Variants in SKAP1 observed in about 807,000 individuals in gnomAD.
SKAP1 encodes src kinase associated phosphoprotein 1.
A neutral mutation model predicts 58.5 loss-of-function variants in SKAP1; 44 were observed. The observed-to-expected ratio is 0.75, with a 90% CI of 0.59 to 0.97. SKAP1 has a LOEUF of 0.97. SKAP1 is among the 50% of genes least tolerant of loss of function. The pLI, the probability that SKAP1 is intolerant of heterozygous loss-of-function variation, is 0.00. For synonymous variants in SKAP1, 127 were observed against 149.7 expected (o/e 0.85, Z 1.11); for missense variants, 390 against 435.2 (o/e 0.90, Z 0.92).
At chr17:48,360,455 T>G (rs922805783) in intron 3 of SKAP1, among the ~76,000 whole-genome samples, 14 of 152,166 alleles carry the variant, frequency 9.2e-5, no homozygotes, top group Admixed American at 3.9e-4. Flanking sequence ...CTTATCGATA[T>G]CACCTTTTAG....
rs11314601 is a variant in SKAP1, at chr17:48,385,322, T to TA, written c.152+11357dup. On this transcript the variant is annotated intron_variant, in intron 2 of 12. Transcript: ENST00000336915. ...TTTCAAGAAGTTTGCCTGCACAAAA[T>TA]AAAAAAAAAAAATAGATGCAAAGAC... Among the ~76,000 whole-genome samples the TA allele has an allele frequency of 5.4e-4, 80 of 148,742 alleles. No individual in the cohort carries two copies. In the East Asian group the frequency reaches 7.7e-3, roughly 14 times the overall value.
intron 4 of SKAP1, chr17:48,193,920 G>T: frequency 5.9e-6 from 1 of 168,290 alleles, no homozygotes. Flanking sequence ...TTATATTTAA[G>T]TATACAATTA....
At chr17:48,213,859 G>GT (rs1290583045) in intron 4 of SKAP1, among the ~76,000 whole-genome samples, 1 of 152,164 alleles carries the variant, frequency 6.6e-6, no homozygotes, top group African/African-American at 2.4e-5. Flanking sequence ...GAACAAATGT[G>GT]TTTTTTATCC....
Position 48,375,194 on chromosome 17 carries a change from A to G in SKAP1, c.153-11380T>C, listed in dbSNP as rs142122067. Among the ~76,000 whole-genome samples the G allele has an allele frequency of 5.1e-4, 77 of 152,288 alleles. 2 individuals are homozygous for G. Among genetic ancestry groups the G allele is most frequent in the Admixed American group, 1.4e-3 (21 of 15,302 alleles). On this transcript the variant is annotated intron_variant, in intron 2 of 12. Transcript: ENST00000336915. ...GTAATATTTCTGTGGTCTTGAGTCT[A>G]TATTTACAAGCCCATCTAGGTAGAT...
chr17:48,331,353 C>A (rs1351367441), intron 4 of SKAP1, among the ~76,000 whole-genome samples: 1 of 152,138 alleles, frequency 6.6e-6, no homozygotes, highest in South Asian at 2.1e-4. Context: ...AAACATACAT[C>A]TCTTTTAACC....
upstream of SKAP1, among the ~76,000 whole-genome samples, chr17:48,432,704 CCATATGT>C (rs1451004590): frequency 6.6e-6 from 1 of 152,150 alleles, no homozygotes; most frequent in Non-Finnish European, 1.5e-5. Context: ...CAAAGTCTCC[CCATATGT>C]CAACCTAAAC....
At chr17:48,387,798 G>T (rs2067296144) in intron 2 of SKAP1, among the ~76,000 whole-genome samples, 1 of 152,014 alleles carries the variant, frequency 6.6e-6, no homozygotes, top group Admixed American at 6.5e-5. Context: ...AAATTTATGA[G>T]AAAAGTCAGA....
the SKAP1 span, among the ~76,000 whole-genome samples, chr17:48,441,144 A>T: frequency 1.3e-5 from 2 of 152,230 alleles, no homozygotes; most frequent in Admixed American, 1.3e-4. Context: ...AAACAAAAAA[A>T]GATTTGGACT....
At chr17:48,176,799 C>T (rs1319195869) in intron 9 of SKAP1, among the ~76,000 whole-genome samples, 1 of 152,014 alleles carries the variant, frequency 6.6e-6, no homozygotes, top group Non-Finnish European at 1.5e-5. Flanking sequence ...ATTTTGATTA[C>T]AAAAAAACAT....
chr17:48,248,404 T>C (rs1309490552), intron 4 of SKAP1, among the ~76,000 whole-genome samples: 1 of 151,986 alleles, frequency 6.6e-6, no homozygotes, highest in Non-Finnish European at 1.5e-5. Flanking sequence ...CAATTTCTAC[T>C]AAAAATACAA....
intron 10 of SKAP1, among the ~76,000 whole-genome samples, chr17:48,169,170 C>T (rs1011456783): frequency 3.3e-5 from 5 of 152,026 alleles, no homozygotes; most frequent in Non-Finnish European, 7.4e-5. Context: ...AATAAATCTC[C>T]TCTCACCTCC....
chr17:48,372,202 C>A (rs2067096587), intron 2 of SKAP1, among the ~76,000 whole-genome samples: 1 of 152,120 alleles, frequency 6.6e-6, no homozygotes, highest in Non-Finnish European at 1.5e-5. Flanking sequence ...GAGCTCCTTG[C>A]CTCAAGTGAT....
the SKAP1 span, among the ~76,000 whole-genome samples, chr17:48,444,110 C>A: frequency 1.4e-5 from 2 of 143,646 alleles, no homozygotes; most frequent in South Asian, 5.0e-4. Flanking sequence ...ACACCTAGTA[C>A]GAGGCCGGGC....
At chr17:48,281,909 A>G (rs937938301) in intron 4 of SKAP1, among the ~76,000 whole-genome samples, 1 of 152,232 alleles carries the variant, frequency 6.6e-6, no homozygotes, top group Non-Finnish European at 1.5e-5. Context: ...AGTTTATCTA[A>G]TGCATATATT....
At chr17:48,257,932 C>T (rs929687760) in intron 4 of SKAP1, among the ~76,000 whole-genome samples, 1 of 152,038 alleles carries the variant, frequency 6.6e-6, no homozygotes, top group Non-Finnish European at 1.5e-5. Flanking sequence ...AAAGGAAGAG[C>T]AGCTTTGAGA....
intron 12 of SKAP1, among the ~76,000 whole-genome samples, chr17:48,135,207 G>T (rs1365791769): frequency 6.6e-6 from 1 of 152,194 alleles, no homozygotes; most frequent in East Asian, 1.9e-4. Flanking sequence ...CAGCACACTA[G>T]AGTGGGCTCT....
intron 3 of SKAP1, among the ~76,000 whole-genome samples, chr17:48,348,340 CA>C (rs565006476): frequency 4.4e-3 from 329 of 75,182 alleles, no homozygotes; most frequent in Middle Eastern, 7.5e-3. Flanking sequence ...AGCCCTGCCT[CA>C]AAAAAAAAAA....
chr17:48,310,021 C>T (rs1189475777), intron 4 of SKAP1, among the ~76,000 whole-genome samples: 1 of 152,182 alleles, frequency 6.6e-6, no homozygotes, highest in Non-Finnish European at 1.5e-5. Flanking sequence ...AATACTACTT[C>T]GAAAGACCCT....
At chr17:48,263,738 C>T (rs2065508652) in intron 4 of SKAP1, among the ~76,000 whole-genome samples, 3 of 152,172 alleles carry the variant, frequency 2.0e-5, no homozygotes, top group African/African-American at 7.2e-5. Context: ...AGGCGGTGAA[C>T]TCCAGTCATC....
Sources: gnomAD v4.1 joint callset for allele counts (sites outside exome capture counted in the v4.1 genomes callset) on GRCh38, gnomAD v4.1.1 for gene constraint, MANE v1.5 for transcripts, NCBI Gene and HGNC (gene_info 2026-07-23, HGNC 2026-07-21) for gene names.